The following MRPS14 variants were observed in gnomAD, a reference collection of about 807,000 sequenced individuals.
MRPS14 encodes the protein small ribosomal subunit protein uS14m.
Under a neutral mutation model 16.4 loss-of-function variants are expected in MRPS14, and 14 were observed. The ratio of observed to expected loss-of-function variants is 0.85; its 90% CI spans 0.56 to 1.33. The LOEUF (loss-of-function observed/expected upper bound fraction) is 1.33, where lower values mean the gene tolerates loss of function less well. Among genes scored for constraint, MRPS14 ranks in the 40% most tolerant of loss-of-function variants. The probability of loss-of-function intolerance (pLI) is 0.00; values close to 1 mark genes in which losing one functional copy is unlikely to be tolerated. For missense variants in MRPS14, 162 were observed against 176.8 expected (o/e 0.92, Z 0.48); for synonymous variants, 54 against 61.9 (o/e 0.87, Z 0.60).
At position 175,014,406 on chromosome 1, in the gene MRPS14, A is replaced by G; in HGVS notation, c.*263T>C. The G allele has an allele frequency of 2.4e-6, 1 of 415,324 alleles. No homozygotes were observed. Among genetic ancestry groups the G allele is most frequent in the Middle Eastern group, 6.1e-4 (1 of 1,650 alleles). 25.7% of individuals were successfully genotyped at this position (415,324 alleles called of 1,614,324 possible). ...AACTTAAAAGGAGGGTATAAAAAAC[A>G]TTCACAGAAAATATTTATTATGCTA... On this transcript the variant is annotated 3_prime_UTR_variant, in exon 3 of 3. Transcript: ENST00000476371.
chr1:175,019,587 T>C (rs1164747006), intron 1 of MRPS14, among the ~76,000 whole-genome samples: 1 of 152,182 alleles, frequency 6.6e-6, no homozygotes, highest in Non-Finnish European at 1.5e-5. Context: ...TGAGCCACTG[T>C]GCCTGATGAG....
intron 1 of MRPS14, among the ~76,000 whole-genome samples, chr1:175,021,489 TCTCAA>T (rs1672976962): frequency 6.6e-6 from 1 of 152,176 alleles, no homozygotes; most frequent in Non-Finnish European, 1.5e-5. Flanking sequence ...ACTTTGTATA[TCTCAA>T]CTCATTATCA....
At chr1:175,022,269 AATATT>A (rs1208407133) in intron 1 of MRPS14, among the ~76,000 whole-genome samples, 1 of 152,074 alleles carries the variant, frequency 6.6e-6, no homozygotes, top group Non-Finnish European at 1.5e-5. Flanking sequence ...GGTTAAATAA[AATATT>A]ATATTAAACT....
chr1:175,023,215 T>C (rs1673012316), intron 1 of MRPS14, 149 bp downstream of exon 1: 2 of 1,542,216 alleles, frequency 1.3e-6, no homozygotes, highest in Middle Eastern at 1.8e-4. Flanking sequence ...GGACCTCCCC[T>C]GAACCAAGCC....
rs1672805681 is a variant in MRPS14, at chr1:175,013,013, G to C, written c.*1656C>G. 1 of 152,140 alleles carries C rather than the reference G, an allele frequency of 6.6e-6. No homozygotes were observed. Among genetic ancestry groups the C allele is most frequent in the African/African-American group, 2.4e-5 (1 of 41,422 alleles). 9.4% of individuals were successfully genotyped at this position (152,140 alleles called of 1,614,324 possible). A position where few individuals can be genotyped will look rare whatever the true frequency, so the allele number is the denominator to read the frequency against. Reference sequence around the variant, plus strand: ...AAGTACACAAAATGTTCAAACTATAGCATGTATATATATCAAGTTGGCAGT... The same window carrying C: ...AAGTACACAAAATGTTCAAACTATACCATGTATATATATCAAGTTGGCAGT... On this transcript the variant is annotated 3_prime_UTR_variant, in exon 3 of 3. Transcript: ENST00000476371.
chr1:175,018,302 G>T, intron 2 of MRPS14, 116 bp downstream of exon 2: 1 of 1,022,134 alleles, frequency 9.8e-7, no homozygotes, highest in Non-Finnish European at 1.4e-6. Flanking sequence ...ATATTGATGT[G>T]GATCTTATTC....
At chr1:175,016,991 C>T (rs1203973528) in intron 2 of MRPS14, among the ~76,000 whole-genome samples, 1 of 152,106 alleles carries the variant, frequency 6.6e-6, no homozygotes, top group Non-Finnish European at 1.5e-5. Flanking sequence ...CTCCAAGCAA[C>T]CATCATCCTG....
rs116652052 is a variant in MRPS14, at chr1:175,015,701, A to C, written c.205-850T>G. On this transcript the variant is annotated intron_variant, in intron 2 of 2. Coordinates refer to ENST00000476371, the MANE Select transcript of MRPS14 (RefSeq NM_022100.3). ...GTTTTGTCAGTAGAGATTTCTTCTT[A>C]TGTATGTGTTCAAGAGTGTGAGTGT... Among the ~76,000 whole-genome samples, 598 of 152,318 alleles carry C rather than the reference A, an allele frequency of 3.9e-3. 5 individuals carry two copies. The highest frequency in any genetic ancestry group is 0.014 in the African/African-American group (578 of 41,580).
chr1:175,014,933 CTTTTCTTTT>C (rs1672853008), intron 2 of MRPS14, 82 bp from the exon 3 acceptor site: 11 of 768,828 alleles, frequency 1.4e-5, no homozygotes, highest in South Asian at 1.1e-4. Flanking sequence ...AGGTAATTTT[CTTTTCTTTT>C]TTTTTTTTTT....
intron 1 of MRPS14, chr1:175,022,639 C>T (rs1673000268): frequency 6.6e-6 from 1 of 152,158 alleles, no homozygotes; most frequent in African/African-American, 2.4e-5. Context: ...TCTTCTACAT[C>T]ATCAATTTTT....
Position 175,014,517 on chromosome 1 carries a change from A to T in MRPS14, c.*152T>A. 2 of 653,062 alleles carry T rather than the reference A, an allele frequency of 3.1e-6. No individual in the cohort carries two copies. Among genetic ancestry groups the T allele is most frequent in the African/African-American group, 1.8e-5 (1 of 54,538 alleles). 40.5% of individuals were successfully genotyped at this position (653,062 alleles called of 1,614,324 possible). ...TGACATGAAACACCCAAATGTCTTC[A>T]TTTTAAAAGTAGTTTAGAGATAGCA... On this transcript the variant is annotated 3_prime_UTR_variant, in exon 3 of 3. Transcript: ENST00000476371.
chr1:175,020,572 G>A (rs1172698849), intron 1 of MRPS14, among the ~76,000 whole-genome samples: 11 of 151,720 alleles, frequency 7.3e-5, no homozygotes, highest in African/African-American at 1.9e-4. Flanking sequence ...GCAATGACGC[G>A]ATCGTGGCTC....
At chr1:175,022,337 TTACACA>T (rs1476519121) in intron 1 of MRPS14, 1 of 152,116 alleles carries the variant, frequency 6.6e-6, no homozygotes, top group Non-Finnish European at 1.5e-5. Context: ...AAATTTTAAA[TTACACA>T]TGTGGTTCAC....
In MRPS14 at chr1:175,013,476, CTT is replaced by C. The variant is rs1393971527; in HGVS notation, c.*1191_*1192del. The stretch of plus-strand genomic sequence containing the variant: ...TCTTGCCCAATTTTCTTTCCTAAAA[CTT>C]TAAAAATCTGTCCTCTCTCCTCTAC... On this transcript the variant is annotated 3_prime_UTR_variant, in exon 3 of 3. Transcript: ENST00000476371. 1.3e-5 allele frequency: 2 copies of C among 152,166 alleles called. No individual in the cohort carries two copies. Among genetic ancestry groups the C allele is most frequent in the Non-Finnish European group, 2.9e-5 (2 of 68,054 alleles). 9.4% of individuals were successfully genotyped at this position (152,166 alleles called of 1,614,324 possible).
intron 2 of MRPS14, among the ~76,000 whole-genome samples, chr1:175,015,414 G>T (rs545220454): frequency 2.0e-5 from 3 of 152,192 alleles, no homozygotes; most frequent in Non-Finnish European, 2.9e-5. Context: ...CATGTTTTTT[G>T]AATCACGAAA....
In MRPS14 at chr1:175,014,682, C is replaced by T. The variant is rs1242509908; in HGVS notation, c.374G>A (p.Arg125Gln). The T allele has an allele frequency of 1.2e-6, 2 of 1,610,802 alleles. No individual in the cohort carries two copies. Among genetic ancestry groups the T allele is most frequent in the Non-Finnish European group, 1.7e-6 (2 of 1,178,690 alleles). ...ADHGQLSGIQ[R>Q]ATW ...TCTGGAGCTCATTTACCATGTCGCTCGCTGGATCCCAGAAAGTTGCCCATG... is the reference window on the plus strand; with the variant it reads ...TCTGGAGCTCATTTACCATGTCGCTTGCTGGATCCCAGAAAGTTGCCCATG... The change falls in exon 3 of 3, where the codon CGA becomes CAA. Residue 125 changes from arginine (R) to glutamine (Q), a missense_variant. Coordinates refer to ENST00000476371, the MANE Select transcript of MRPS14 (RefSeq NM_022100.3).
At chr1:175,014,939 T>A in intron 2 of MRPS14, 88 bp from the exon 3 acceptor site, 3 of 621,174 alleles carry the variant, frequency 4.8e-6, no homozygotes, top group African/African-American at 4.7e-5. Flanking sequence ...TTTTCTTTTC[T>A]TTTTTTTTTT....
chr1:175,016,421 G>C (rs12125682), intron 2 of MRPS14, among the ~76,000 whole-genome samples: 23,664 of 152,042 alleles, frequency 0.16, 2,491 homozygotes, highest in Non-Finnish European at 0.23. Flanking sequence ...GAGGAAACTG[G>C]GGCAAAGAGA....
At chr1:175,020,395 C>T (rs1367916871) in intron 1 of MRPS14, among the ~76,000 whole-genome samples, 1 of 152,144 alleles carries the variant, frequency 6.6e-6, no homozygotes, top group Non-Finnish European at 1.5e-5. Flanking sequence ...TCTTTGAATT[C>T]TTTTTCAAAG....
Sources: gnomAD v4.1 joint callset for allele counts (sites outside exome capture counted in the v4.1 genomes callset) on GRCh38, gnomAD v4.1.1 for gene constraint, MANE v1.5 for transcripts, NCBI Gene and HGNC (gene_info 2026-07-23, HGNC 2026-07-21) for gene names.